Variants in NTNG2 observed in about 807,000 individuals in gnomAD.
NTNG2 encodes netrin-G2.
In NTNG2, 15 loss-of-function variants were observed where a neutral mutation model predicts 47.6. The ratio of observed to expected loss-of-function variants is 0.32; its 90% confidence interval spans 0.21 to 0.49. NTNG2 has a LOEUF of 0.49. NTNG2 is among the 20% of genes least tolerant of loss of function. The probability of loss-of-function intolerance (pLI) is 0.99; values close to 1 mark genes in which losing one functional copy is unlikely to be tolerated. For synonymous variants in NTNG2, 307 were observed against 324.6 expected, an observed-to-expected ratio of 0.95 and a Z score of 0.58; for missense variants, 578 against 764.6, an observed-to-expected ratio of 0.76 and a Z score of 2.88.
chr9:132,231,341 C>A lies in NTNG2; in HGVS notation c.1054+746C>A, dbSNP rs1033117400. On this transcript the variant is annotated intron_variant, in intron 5 of 7. Coordinates refer to ENST00000393229, the MANE Select transcript of NTNG2 (RefSeq NM_032536.4). The surrounding 1 kb of genome is among the most constrained non-coding windows in gnomAD (Gnocchi z 4.1). ...GGAGGTCGCCATCTGCTCTGCGAGG[C>A]AGCAGGAGAGGACTGGCCAATGTCA... 6.6e-6 allele frequency: 3 copies of A among 456,260 alleles called. No homozygotes were observed. The highest frequency in any genetic ancestry group is 4.0e-5 in the African/African-American group (2 of 50,066). The allele number at this position is 456,260 out of a possible 1,614,324, so 28.3% of individuals were successfully genotyped here.
Position 132,166,600 on chromosome 9 carries a change from A to G in NTNG2, c.-232A>G, listed in dbSNP as rs1162780397. On this transcript the variant is annotated 5_prime_UTR_variant, in exon 2 of 8. Transcript: ENST00000393229. ...ACGTGAAGTTATGGGCAACTTTCTG[A>G]TCTGTCCATCAGCAGTCTGAGAAAC... is the stretch of plus-strand genomic sequence containing the variant. 3.5e-6 allele frequency: 2 copies of G among 565,298 alleles called. No homozygotes were observed. Among genetic ancestry groups the G allele is most frequent in the African/African-American group, 3.8e-5 (2 of 53,174 alleles). 35.0% of individuals were successfully genotyped at this position (565,298 alleles called of 1,614,324 possible).
In NTNG2 at chr9:132,167,122, C is replaced by T. The variant is rs961349660; in HGVS notation, c.213+78C>T. 3.4e-6 allele frequency: 5 copies of T among 1,488,060 alleles called. 1 individual carries two copies. Among genetic ancestry groups the T allele is most frequent in the Non-Finnish European group, 4.6e-6 (5 of 1,081,562 alleles). The allele number at this position is 1,488,060 out of a possible 1,614,324, so 92.2% of individuals were successfully genotyped here. A position where few individuals can be genotyped will look rare whatever the true frequency, so the allele number is the denominator to read the frequency against. On this transcript the variant is annotated intron_variant, in intron 2 of 7. Coordinates refer to ENST00000393229, the MANE Select transcript of NTNG2 (RefSeq NM_032536.4). ...GGAGGAGATCCTTGGGGTGGACGAG[C>T]AGAGCTGGAGGACTGAGATGCAAGG...
intron 2 of NTNG2, among the ~76,000 whole-genome samples, chr9:132,170,364 G>A (rs1317462765): frequency 1.3e-5 from 2 of 152,220 alleles, no homozygotes; most frequent in African/African-American, 4.8e-5. Context: ...AGGATTCTTG[G>A]GCGAGGACAA....
intron 3 of NTNG2, among the ~76,000 whole-genome samples, chr9:132,216,412 CTCTGTGTGTGTG>C (rs1442346114): frequency 1.1e-5 from 1 of 91,048 alleles, no homozygotes; most frequent in African/African-American, 6.5e-5. Context: ...CTCTCTCTCT[CTCTGTGTGTGTG>C]TGTATGTGTG....
intron 3 of NTNG2, among the ~76,000 whole-genome samples, chr9:132,209,553 C>A (rs1188079560): frequency 6.6e-6 from 1 of 152,138 alleles, no homozygotes; most frequent in African/African-American, 2.4e-5. Flanking sequence ...TGCAGGGCAG[C>A]GGCCACCTGT....
At chr9:132,222,415 C>T (rs1840411859) in intron 3 of NTNG2, among the ~76,000 whole-genome samples, 1 of 152,168 alleles carries the variant, frequency 6.6e-6, no homozygotes, top group Admixed American at 6.5e-5. Context: ...GATGAGAATG[C>T]CAGGGAAAGA....
intron 2 of NTNG2, among the ~76,000 whole-genome samples, chr9:132,191,494 G>A (rs573555699): frequency 1.3e-5 from 2 of 152,192 alleles, no homozygotes; most frequent in South Asian, 2.1e-4. Context: ...GGAGAGAGCT[G>A]AGAGGGAACT....
intron 3 of NTNG2, among the ~76,000 whole-genome samples, chr9:132,222,835 A>G (rs941488424): frequency 6.6e-6 from 1 of 152,168 alleles, no homozygotes; most frequent in South Asian, 2.1e-4. Context: ...GCCAGTCGCA[A>G]TGGCTCACAC....
At chr9:132,167,358 C>A (rs1835571923) in intron 2 of NTNG2, among the ~76,000 whole-genome samples, 1 of 152,244 alleles carries the variant, frequency 6.6e-6, no homozygotes, top group Non-Finnish European at 1.5e-5. Context: ...CAGGCTAAGC[C>A]CCACCTCCTG....
rs904285999 is a variant in NTNG2 at position 132,239,169 on chromosome 9, G to A, written c.1120G>A (p.Val374Ile). The change falls in exon 6 of 8, where the codon GTC (valine) becomes ATC (isoleucine). Residue 374 changes from valine to isoleucine, a missense_variant. Transcript: ENST00000393229. ...TGACTTCCTGAATGTGGTGACCTGC[G>A]TCAGCTGCAAGCACAACACGCGAGG... ...YIDFLNVVTC[V>I]SCKHNTRGQH... 6.2e-6 allele frequency: 10 copies of A among 1,613,930 alleles called. No homozygotes were observed. The highest frequency in any genetic ancestry group is 5.5e-5 in the South Asian group (5 of 91,078).
intron 2 of NTNG2, among the ~76,000 whole-genome samples, chr9:132,184,433 C>T (rs562500647): frequency 2.0e-5 from 3 of 152,362 alleles, no homozygotes; most frequent in South Asian, 2.1e-4. Flanking sequence ...ACCGAAGAAG[C>T]CACTGGGGAA....
intron 2 of NTNG2, among the ~76,000 whole-genome samples, chr9:132,169,051 G>A (rs1360821193): frequency 6.6e-6 from 1 of 152,170 alleles, no homozygotes; most frequent in Non-Finnish European, 1.5e-5. Flanking sequence ...TCCCAGTGCC[G>A]GCAGAGCCTC....
chr9:132,182,792 G>A lies in NTNG2; in HGVS notation c.214-15174G>A, dbSNP rs140049160. 3.9e-3 allele frequency among the ~76,000 whole-genome samples: 590 copies of A among 152,302 alleles called. 6 individuals are homozygous for A. Among genetic ancestry groups the A allele is most frequent in the African/African-American group, 0.013 (555 of 41,564 alleles). ...GGGCAGCTATGACCCCACCAGGAGC[G>A]GAGCGGGCAGGGACCAGGCTGCCCT... On this transcript the variant is annotated intron_variant, in intron 2 of 7. Coordinates refer to ENST00000393229, the MANE Select transcript of NTNG2 (RefSeq NM_032536.4). This position sits in a 1 kb window ranked among gnomAD's most constrained non-coding sequence, Gnocchi z 4.2.
At chr9:132,240,229 C>T (rs927470570) in intron 6 of NTNG2, among the ~76,000 whole-genome samples, 10 of 152,260 alleles carry the variant, frequency 6.6e-5, no homozygotes, top group African/African-American at 2.4e-4. Flanking sequence ...TCAGATAATT[C>T]CATCAACTCT....
chr9:132,235,710 C>T (rs768958528), intron 5 of NTNG2, among the ~76,000 whole-genome samples: 41 of 152,190 alleles, frequency 2.7e-4, no homozygotes, highest in Admixed American at 2.0e-3. Flanking sequence ...GGTGGCCTCC[C>T]GTGCAGAAGG....
intron 3 of NTNG2, among the ~76,000 whole-genome samples, chr9:132,201,716 C>T (rs141643985): frequency 3.7e-4 from 56 of 152,336 alleles, no homozygotes; most frequent in Non-Finnish European, 6.0e-4. Context: ...GCATTTGCTA[C>T]GGGCTCATTT....
intron 6 of NTNG2, 47 bp from the exon 7 acceptor site, chr9:132,240,863 C>A: frequency 6.2e-7 from 1 of 1,611,364 alleles, no homozygotes; most frequent in Non-Finnish European, 8.5e-7. Context: ...GAGAAGACGG[C>A]GCCCACACGT....
intron 2 of NTNG2, among the ~76,000 whole-genome samples, chr9:132,190,211 C>T (rs573185844): frequency 4.9e-5 from 6 of 122,562 alleles, no homozygotes; most frequent in Admixed American, 2.1e-4. Context: ...CCAGACTGGG[C>T]GAAAGAGAGA....
At chr9:132,212,118 C>G (rs1249615423) in intron 3 of NTNG2, among the ~76,000 whole-genome samples, 4 of 152,340 alleles carry the variant, frequency 2.6e-5, no homozygotes, top group Non-Finnish European at 4.4e-5. Flanking sequence ...CCATCACACC[C>G]TGCTCCTTCT....
Sources: allele counts gnomAD v4.1 joint callset (sites outside exome capture counted in the v4.1 genomes callset), GRCh38; gene constraint gnomAD v4.1.1; non-coding constraint Gnocchi (gnomAD v3.1); transcripts MANE v1.5; gene names NCBI Gene and HGNC (gene_info 2026-07-23, HGNC 2026-07-21).